The following ZNF415 variants were observed in gnomAD, a reference collection of about 807,000 sequenced individuals.
ZNF415 encodes the protein zinc finger protein 415.
ZNF415 carries 5 observed loss-of-function variants against 7.3 expected under a neutral mutation model. The observed-to-expected ratio is 0.69, with a 90% CI of 0.36 to 1.44. The LOEUF (loss-of-function observed/expected upper bound fraction) is 1.44, where lower values mean the gene tolerates loss of function less well. ZNF415 is among the 40% of genes most tolerant of loss of function. The pLI is 0.04. For missense variants in ZNF415, 628 were observed against 664.8 expected, an observed-to-expected ratio of 0.94 and a Z score of 0.61; for synonymous variants, 207 against 226.3, an observed-to-expected ratio of 0.91 and a Z score of 0.77.
intron 1 of ZNF415, among the ~76,000 whole-genome samples, chr19:53,131,426 A>C (rs2090061003): frequency 6.6e-6 from 1 of 152,304 alleles, no homozygotes; most frequent in South Asian, 2.1e-4. Context: ...TGCAATTCTC[A>C]TCATCTGTGC....
Position 53,109,454 on chromosome 19 carries a change from G to T in ZNF415, c.591C>A (p.Phe197Leu). 2 of 1,614,092 alleles carry T rather than the reference G, an allele frequency of 1.2e-6. No individual in the cohort carries two copies. The highest frequency in any genetic ancestry group is 1.7e-6 in the Non-Finnish European group (2 of 1,179,962). The stretch of plus-strand genomic sequence containing the variant: ...CTTGTGTGAGTAATGAAGAACAGAT[G>T]AAATCAGTCCCATATTTATTAGAAA... ...THVSNKYGTD[F>L]ICSSLLTQEQ... Residue 197 changes from phenylalanine to leucine, a missense_variant, in exon 4 of 4, where the codon TTC (phenylalanine) becomes TTA (leucine). Phe to Leu is a conservative substitution (Grantham distance 22). Transcript: ENST00000243643.
At chr19:53,124,997 G>A (rs1233372185) in intron 1 of ZNF415, among the ~76,000 whole-genome samples, 1 of 152,046 alleles carries the variant, frequency 6.6e-6, no homozygotes, top group Non-Finnish European at 1.5e-5. Flanking sequence ...AAATGATTTA[G>A]TGCACTTGAC....
At chr19:53,111,195 T>C (rs558702386) in intron 3 of ZNF415, among the ~76,000 whole-genome samples, 83 of 152,198 alleles carry the variant, frequency 5.5e-4, no homozygotes, top group Non-Finnish European at 3.4e-4. Context: ...AAGAGCTTGT[T>C]TTCTCTTGCC....
intron 2 of ZNF415, among the ~76,000 whole-genome samples, chr19:53,117,441 CA>C (rs58567730): frequency 0.11 from 14,007 of 123,174 alleles, 670 homozygotes; most frequent in East Asian, 0.14. Flanking sequence ...AATTCCGTCT[CA>C]AAAAAAAAAA....
At chr19:53,130,555 A>G (rs2089928411) in intron 1 of ZNF415, among the ~76,000 whole-genome samples, 1 of 152,238 alleles carries the variant, frequency 6.6e-6, no homozygotes, top group Non-Finnish European at 1.5e-5. Context: ...AACTGAATTA[A>G]TGAAGATCTA....
rs191707119 is a variant in ZNF415, at chr19:53,132,881, C to G, written c.-93G>C. 1 of 152,274 alleles carries G rather than the reference C, an allele frequency of 6.6e-6. No individual in the cohort carries two copies. The highest frequency in any genetic ancestry group is 1.9e-4 in the East Asian group (1 of 5,180). 9.4% of individuals were successfully genotyped at this position (152,274 alleles called of 1,614,324 possible). A position where few individuals can be genotyped will look rare whatever the true frequency, so the allele number is the denominator to read the frequency against. On this transcript the variant is annotated 5_prime_UTR_variant, in exon 1 of 4. Coordinates refer to ENST00000243643, the MANE Select transcript of ZNF415 (RefSeq NM_018355.4). ...GCTCGACGCCGTCACCTTCACCCAA[C>G]GCGATCCGTTTCCGGGCCTGTAGGA...
chr19:53,118,953 T>C (rs1253693411), intron 2 of ZNF415, among the ~76,000 whole-genome samples: 2 of 151,448 alleles, frequency 1.3e-5, no homozygotes, highest in African/African-American at 2.4e-5. Context: ...AAGACCACCC[T>C]GGCGAAGATG....
intron 2 of ZNF415, among the ~76,000 whole-genome samples, chr19:53,121,723 TAC>T (rs1323519234): frequency 6.6e-6 from 1 of 151,938 alleles, no homozygotes. Flanking sequence ...TGCTCGGCCT[TAC>T]AGTTACACTT....
In ZNF415 at chr19:53,108,927, G is replaced by A; in HGVS notation, c.1118C>T (p.Thr373Ile). The A allele has an allele frequency of 1.9e-6, 3 of 1,613,942 alleles. No homozygotes were observed. The highest frequency in any genetic ancestry group is 2.5e-6 in the Non-Finnish European group (3 of 1,179,994). ...CTCCCCAGTGTGAATTCTCTGATGA[G>A]TTGCAAGGCTTGAAGTCTGACTGAA... is the stretch of plus-strand genomic sequence containing the variant. ...KVFSQTSSLA[T>I]HQRIHTGEKP... The change falls in exon 4 of 4, where the codon ACT (threonine) becomes ATT (isoleucine). Residue 373 changes from threonine (T) to isoleucine (I), a missense_variant. Transcript: ENST00000243643.
At chr19:53,116,072 T>A (rs2086964540) in intron 3 of ZNF415, 2 of 614,590 alleles carry the variant, frequency 3.3e-6, no homozygotes, top group Non-Finnish European at 5.7e-6. Context: ...TTCAGAAGTC[T>A]ACCATAAGCT....
intron 3 of ZNF415, 103 bp downstream of exon 3, chr19:53,116,210 C>T: frequency 7.3e-7 from 1 of 1,368,308 alleles, no homozygotes; most frequent in Non-Finnish European, 1.0e-6. Context: ...TCAACAAGGC[C>T]TCAAACTCAG....
At chr19:53,122,398 C>A (rs1050050318) in intron 2 of ZNF415, 5 of 1,536,570 alleles carry the variant, frequency 3.3e-6, no homozygotes, top group African/African-American at 1.4e-5. Context: ...ACCACGGGAC[C>A]CTCACCCCGT....
In ZNF415 at chr19:53,115,716, C is replaced by T. The variant is rs2086912971; in HGVS notation, c.136+597G>A. ...TCTGAGGTCTTACCTGTTTTCACACCTTTGATCCATTCCCACCCTTTTGGT... is the reference window on the plus strand; with the variant it reads ...TCTGAGGTCTTACCTGTTTTCACACTTTTGATCCATTCCCACCCTTTTGGT... On this transcript the variant is annotated intron_variant, in intron 3 of 3. Transcript: ENST00000243643. The T allele has an allele frequency of 3.2e-6, 5 of 1,550,324 alleles. No individual in the cohort carries two copies. In the Admixed American group the frequency reaches 9.8e-5, roughly 30 times the overall value.
intron 2 of ZNF415, among the ~76,000 whole-genome samples, chr19:53,119,076 C>A (rs553869339): frequency 6.6e-6 from 1 of 152,132 alleles, no homozygotes; most frequent in East Asian, 1.9e-4. Flanking sequence ...GTCAGGAGAT[C>A]AAGACCATCC....
Position 53,108,589 on chromosome 19 carries a change from G to T in ZNF415, c.1456C>A (p.His486Asn), listed in dbSNP as rs758808430. Reference protein sequence around the residue: ...GFSVHSSLTTHQVIHTGEKPY... With the variant: ...GFSVHSSLTTNQVIHTGEKPY... ...TTTTCTCCAGTATGGATGACCTGAT[G>T]GGTAGTTAGGCTTGAATGCACACTG... Residue 486 changes from histidine (H) to asparagine (N), a missense_variant, in exon 4 of 4, where the codon CAT (histidine) becomes AAT (asparagine). Transcript: ENST00000243643. The T allele has an allele frequency of 2.5e-6, 4 of 1,614,046 alleles. No individual in the cohort carries two copies. The highest frequency in any genetic ancestry group is 3.4e-6 in the Non-Finnish European group (4 of 1,180,034).
At chr19:53,126,466 C>T (rs1008319548) in intron 1 of ZNF415, among the ~76,000 whole-genome samples, 1 of 144,634 alleles carries the variant, frequency 6.9e-6, no homozygotes, top group African/African-American at 2.5e-5. Context: ...ATATTATTCA[C>T]AGACCCAGAT....
intron 1 of ZNF415, chr19:53,123,843 C>T (rs922996504): frequency 9.2e-6 from 3 of 325,264 alleles, no homozygotes; most frequent in Non-Finnish European, 1.6e-5. Context: ...TGGTCCCGCT[C>T]ATCTGAGATG....
In ZNF415 at chr19:53,108,068, A is replaced by T. The variant is rs2085652513; in HGVS notation, c.*309T>A. Reference sequence around the variant, plus strand: ...TGGTTAATAGCTTCAACATGCACAAAATATACAAAGATGTTTACACATTTT... The same window carrying T: ...TGGTTAATAGCTTCAACATGCACAATATATACAAAGATGTTTACACATTTT... On this transcript the variant is annotated 3_prime_UTR_variant, in exon 4 of 4. Transcript: ENST00000243643. 3.2e-6 allele frequency: 1 copy of T among 311,116 alleles called. No homozygotes were observed. The highest frequency in any genetic ancestry group is 4.5e-5 in the Admixed American group (1 of 22,112). The allele number at this position is 311,116 out of a possible 1,614,324, so 19.3% of individuals were successfully genotyped here.
Position 53,109,345 on chromosome 19 carries a change from G to T in ZNF415, c.700C>A (p.Arg234Ser). Residue 234 changes from arginine (R) to serine (S), a missense_variant, in exon 4 of 4, where the codon CGT becomes AGT. Transcript: ENST00000243643. ...ALNHGSHMTV[R>S]QVSHSGEKGY... The stretch of plus-strand genomic sequence containing the variant: ...TTCTCTCCAGAATGACTTACCTGAC[G>T]TACAGTCATGTGTGAGCCATGATTC... The T allele has an allele frequency of 6.2e-7, 1 of 1,614,088 alleles. No individual in the cohort carries two copies. Among genetic ancestry groups the T allele is most frequent in the Non-Finnish European group, 8.5e-7 (1 of 1,180,014 alleles).
Sources: gnomAD v4.1 joint callset for allele counts (sites outside exome capture counted in the v4.1 genomes callset) on GRCh38, gnomAD v4.1.1 for gene constraint, MANE v1.5 for transcripts, NCBI Gene and HGNC (gene_info 2026-07-23, HGNC 2026-07-21) for gene names.